The following NXPH1 variants were observed in gnomAD, a reference collection of about 807,000 sequenced individuals.
NXPH1 encodes neurexophilin-1.
A neutral mutation model predicts 23.7 loss-of-function variants in NXPH1; 5 were observed. The observed-to-expected ratio is 0.21, with a 90% CI of 0.11 to 0.44. NXPH1 has a LOEUF of 0.44. NXPH1 is among the 20% of genes least tolerant of loss of function. The pLI is 0.99. For synonymous variants in NXPH1, 144 were observed against 122.2 expected, an observed-to-expected ratio of 1.18 and a Z score of -1.18; for missense variants, 324 against 321.6, an observed-to-expected ratio of 1.01 and a Z score of -0.06.
Position 8,435,486 on chromosome 7 carries a change from C to G in NXPH1, c.-110-118C>G. ...TTACTCGCTTTTCAATTTTTCGTAC[C>G]CTCCCTCCCTTTTTTTTTTGGTCCC... On this transcript the variant is annotated intron_variant, in intron 1 of 2. Transcript: ENST00000405863. This position sits in a 1 kb window ranked among gnomAD's most constrained non-coding sequence, Gnocchi z 5.9. The G allele has an allele frequency of 1.8e-6, 1 of 568,762 alleles. No homozygotes were observed. The highest frequency in any genetic ancestry group is 1.9e-5 in the African/African-American group (1 of 52,766). The allele number at this position is 568,762 out of a possible 1,614,324, so 35.2% of individuals were successfully genotyped here. A position where few individuals can be genotyped will look rare whatever the true frequency, so the allele number is the denominator to read the frequency against.
intron 2 of NXPH1, among the ~76,000 whole-genome samples, chr7:8,674,471 T>C (rs901692224): frequency 6.6e-6 from 1 of 152,192 alleles, no homozygotes; most frequent in Non-Finnish European, 1.5e-5. Flanking sequence ...AGAAGAAAGT[T>C]CATTCTTTGC....
intron 2 of NXPH1, among the ~76,000 whole-genome samples, chr7:8,744,250 G>T (rs992852653): frequency 1.3e-5 from 2 of 152,172 alleles, no homozygotes; most frequent in Admixed American, 6.5e-5. Flanking sequence ...CATCAAATTT[G>T]TGGAAATGGT....
At chr7:8,446,095 G>A (rs1816398763) in intron 2 of NXPH1, among the ~76,000 whole-genome samples, 1 of 152,162 alleles carries the variant, frequency 6.6e-6, no homozygotes, top group Non-Finnish European at 1.5e-5. Flanking sequence ...TGAAGCCCTT[G>A]TAAAATATTG....
chr7:8,499,035 TTC>T (rs1817387360), intron 2 of NXPH1, among the ~76,000 whole-genome samples: 1 of 152,034 alleles, frequency 6.6e-6, no homozygotes, highest in South Asian at 2.1e-4. Context: ...AGTGAACAGA[TTC>T]TACATAGTGT....
chr7:8,669,527 G>C (rs1263101318), intron 2 of NXPH1, among the ~76,000 whole-genome samples: 1 of 152,182 alleles, frequency 6.6e-6, no homozygotes, highest in Non-Finnish European at 1.5e-5. Flanking sequence ...GAGGGTATTA[G>C]CCTGAATTCT....
At chr7:8,472,864 C>T (rs1238946821) in intron 2 of NXPH1, among the ~76,000 whole-genome samples, 1 of 152,180 alleles carries the variant, frequency 6.6e-6, no homozygotes, top group Non-Finnish European at 1.5e-5. Context: ...GTTTTAGCAC[C>T]TAGTCCTGGC....
intron 2 of NXPH1, among the ~76,000 whole-genome samples, chr7:8,502,529 G>C (rs1817453520): frequency 6.6e-6 from 1 of 151,838 alleles, no homozygotes; most frequent in South Asian, 2.1e-4. Flanking sequence ...ACAGTAATTT[G>C]AGTAGGGTAA....
intron 2 of NXPH1, among the ~76,000 whole-genome samples, chr7:8,482,069 T>C (rs1293050001): frequency 6.6e-6 from 1 of 152,178 alleles, no homozygotes; most frequent in Non-Finnish European, 1.5e-5. Flanking sequence ...TGTAGGCAAG[T>C]CCGTAGGCTG....
chr7:8,497,714 AT>A (rs1164786916), intron 2 of NXPH1, among the ~76,000 whole-genome samples: 7 of 151,578 alleles, frequency 4.6e-5, no homozygotes, highest in African/African-American at 1.7e-4. Context: ...GGGTTGTTTG[AT>A]TTTTTTCTTG....
In NXPH1 at chr7:8,614,483, A is replaced by G. The variant is rs147894654; in HGVS notation, c.55-136525A>G. 4.0e-3 allele frequency among the ~76,000 whole-genome samples: 615 copies of G among 152,056 alleles called. 4 individuals carry two copies. Among genetic ancestry groups the G allele is most frequent in the African/African-American group, 0.014 (584 of 41,548 alleles). On this transcript the variant is annotated intron_variant, in intron 2 of 2. Coordinates refer to ENST00000405863, the MANE Select transcript of NXPH1 (RefSeq NM_152745.3). ...ATGTATATGTCTATAGATTTTATGC[A>G]TATGTCTATAGATATGGATACATAT...
intron 2 of NXPH1, among the ~76,000 whole-genome samples, chr7:8,631,989 T>C (rs1282534057): frequency 6.6e-6 from 1 of 152,142 alleles, no homozygotes; most frequent in Non-Finnish European, 1.5e-5. Flanking sequence ...ATTATTCATG[T>C]GTAGGTTATA....
chr7:8,480,374 A>G (rs1817052963), intron 2 of NXPH1, among the ~76,000 whole-genome samples: 1 of 152,196 alleles, frequency 6.6e-6, no homozygotes, highest in South Asian at 2.1e-4. Flanking sequence ...TTAAATGCCT[A>G]CAGTTCAAAA....
intron 2 of NXPH1, among the ~76,000 whole-genome samples, chr7:8,471,355 A>T (rs752692687): frequency 6.6e-6 from 1 of 152,216 alleles, no homozygotes; most frequent in Non-Finnish European, 1.5e-5. Flanking sequence ...TCTGGGTCAC[A>T]CGAATATCAT....
At chr7:8,722,136 G>C (rs1416559337) in intron 2 of NXPH1, among the ~76,000 whole-genome samples, 1 of 151,148 alleles carries the variant, frequency 6.6e-6, no homozygotes, top group Non-Finnish European at 1.5e-5. Flanking sequence ...AGATGGATTT[G>C]AAGTATGCGA....
chr7:8,564,695 C>T (rs1420801585), intron 2 of NXPH1, among the ~76,000 whole-genome samples: 1 of 151,822 alleles, frequency 6.6e-6, no homozygotes, highest in African/African-American at 2.4e-5. Flanking sequence ...AGGCAGGATG[C>T]TTTTCTTTTA....
intron 2 of NXPH1, among the ~76,000 whole-genome samples, chr7:8,638,735 A>G (rs1820258765): frequency 6.6e-6 from 1 of 152,180 alleles, no homozygotes; most frequent in Admixed American, 6.5e-5. Flanking sequence ...ATGTTTCAAT[A>G]GTATGATTTT....
chr7:8,616,055 C>A lies in NXPH1; in HGVS notation c.55-134953C>A, dbSNP rs1157280092. Among the ~76,000 whole-genome samples, 5 of 152,044 alleles carry A rather than the reference C, an allele frequency of 3.3e-5. No homozygotes were observed. In the East Asian group the frequency reaches 9.7e-4, roughly 29 times the overall value. ...ATTATATTAGATCTCTGCTCAAATC[C>A]CTCTCATCATGACTTCATTACATCT... is the stretch of plus-strand genomic sequence containing the variant. On this transcript the variant is annotated intron_variant, in intron 2 of 2. Transcript: ENST00000405863.
At chr7:8,738,487 C>T (rs1394825298) in intron 2 of NXPH1, among the ~76,000 whole-genome samples, 2 of 152,186 alleles carry the variant, frequency 1.3e-5, no homozygotes, top group African/African-American at 4.8e-5. Context: ...CTGTTCCTTC[C>T]TCTGGAAGCT....
intron 2 of NXPH1, among the ~76,000 whole-genome samples, chr7:8,658,906 C>T (rs1041240158): frequency 5.3e-5 from 8 of 151,806 alleles, no homozygotes; most frequent in African/African-American, 1.2e-4. Context: ...GAATTATATG[C>T]GCAAGATTTA....
Sources: allele counts gnomAD v4.1 joint callset (sites outside exome capture counted in the v4.1 genomes callset), GRCh38; gene constraint gnomAD v4.1.1; non-coding constraint Gnocchi (gnomAD v3.1); transcripts MANE v1.5; gene names NCBI Gene and HGNC (gene_info 2026-07-23, HGNC 2026-07-21).